The following FAM241A variants were observed in gnomAD, a reference collection of about 807,000 sequenced individuals.
FAM241A encodes uncharacterized protein FAM241A.
In FAM241A, 7 loss-of-function variants were observed where a neutral mutation model predicts 12.2. The ratio of observed to expected loss-of-function variants is 0.58; its 90% CI spans 0.33 to 1.08. The LOEUF is 1.08. Ranked by LOEUF, FAM241A falls within the 50% of genes least tolerant of loss-of-function variation. The probability of loss-of-function intolerance (pLI) is 0.04; values close to 1 mark genes in which losing one functional copy is unlikely to be tolerated. For missense variants in FAM241A, 161 were observed against 169.7 expected (o/e 0.95, Z 0.29); for synonymous variants, 74 against 68.2 (o/e 1.08, Z -0.42).
intron 1 of FAM241A, among the ~76,000 whole-genome samples, chr4:112,166,277 G>A (rs1346724238): frequency 6.6e-6 from 1 of 151,330 alleles, no homozygotes; most frequent in African/African-American, 2.4e-5. Flanking sequence ...AGTATGGTCT[G>A]TATCTCCTGG....
In FAM241A at chr4:112,182,607, C is replaced by A. The variant is rs536999423; in HGVS notation, c.154-4086C>A. ...CTTTACCTCAACTTATTTCAAGTAT[C>A]TCTTATTCCTACAGTGAAGTGCTGG... On this transcript the variant is annotated intron_variant, in intron 1 of 1. Transcript: ENST00000309733. 1.3e-3 allele frequency among the ~76,000 whole-genome samples: 196 copies of A among 152,258 alleles called. 1 individual carries two copies. The highest frequency in any genetic ancestry group is 4.5e-3 in the African/African-American group (185 of 41,562).
At chr4:112,152,988 TTTC>T (rs1393554406) in intron 1 of FAM241A, among the ~76,000 whole-genome samples, 1 of 152,202 alleles carries the variant, frequency 6.6e-6, no homozygotes, top group Non-Finnish European at 1.5e-5. Context: ...CTTTTCTATT[TTTC>T]TTCTTTTTCT....
At chr4:112,177,966 A>T (rs763816185) in intron 1 of FAM241A, among the ~76,000 whole-genome samples, 12 of 152,130 alleles carry the variant, frequency 7.9e-5, no homozygotes, top group Non-Finnish European at 1.8e-4. Flanking sequence ...ATAGTATGTT[A>T]TTGTAGAATA....
At chr4:112,180,780 G>A in intron 1 of FAM241A, among the ~76,000 whole-genome samples, 1 of 152,140 alleles carries the variant, frequency 6.6e-6, no homozygotes, top group East Asian at 1.9e-4. Context: ...CTAGCAACTG[G>A]AAAAGTACGG....
At position 112,193,866 on chromosome 4, in the gene FAM241A, T is replaced by G. The variant is rs1308870729; in HGVS notation, c.*6928T>G. On this transcript the variant is annotated 3_prime_UTR_variant, in exon 2 of 2. Coordinates refer to ENST00000309733, the MANE Select transcript of FAM241A (RefSeq NM_152400.3). ...GGTTCCATATGAACTTTAAAGTAGT[T>G]TTTTCCAATTCTGTGAAGAAAGTCA... 3 of 148,732 alleles carry G rather than the reference T, an allele frequency of 2.0e-5. No individual in the cohort carries two copies. Among genetic ancestry groups the G allele is most frequent in the Non-Finnish European group, 4.5e-5 (3 of 66,896 alleles). 9.2% of individuals were successfully genotyped at this position (148,732 alleles called of 1,614,324 possible).
Position 112,193,628 on chromosome 4 carries a change from T to C in FAM241A, c.*6690T>C, listed in dbSNP as rs1481855887. 1 of 152,262 alleles carries C rather than the reference T, an allele frequency of 6.6e-6. No homozygotes were observed. Among genetic ancestry groups the C allele is most frequent in the African/African-American group, 2.4e-5 (1 of 41,464 alleles). 9.4% of individuals were successfully genotyped at this position (152,262 alleles called of 1,614,324 possible). ...GAATCCTTTCCCCATTGCTTGTTTT[T>C]CTCAGGTTTGTCAAAGATCAGATAG... On this transcript the variant is annotated 3_prime_UTR_variant, in exon 2 of 2. Coordinates refer to ENST00000309733, the MANE Select transcript of FAM241A (RefSeq NM_152400.3).
In FAM241A at chr4:112,148,232, C is replaced by A. The variant is rs761924561; in HGVS notation, c.153+2499C>A. ...TACATCCCTTCCTTCACTGATTTTT[C>A]TTTCCACTTCTGTCTGAAAGGTTCA... On this transcript the variant is annotated intron_variant, in intron 1 of 1. Coordinates refer to ENST00000309733, the MANE Select transcript of FAM241A (RefSeq NM_152400.3). Among the ~76,000 whole-genome samples the A allele has an allele frequency of 2.7e-4, 41 of 152,202 alleles. 1 individual carries two copies. Among genetic ancestry groups the A allele is most frequent in the Middle Eastern group, 3.4e-3 (1 of 294 alleles).
At chr4:112,152,709 C>G (rs547664276) in intron 1 of FAM241A, among the ~76,000 whole-genome samples, 3 of 152,162 alleles carry the variant, frequency 2.0e-5, no homozygotes, top group Admixed American at 2.0e-4. Context: ...TCCCCTACCT[C>G]TTCCACTTCA....
rs1383059355 is a variant in FAM241A, at chr4:112,187,073, A to G, written c.*135A>G. The G allele has an allele frequency of 7.7e-6, 7 of 909,412 alleles. No individual in the cohort carries two copies. The East Asian group carries it at 1.5e-4, about 19-fold the overall frequency. 56.3% of individuals were successfully genotyped at this position (909,412 alleles called of 1,614,324 possible). Reference sequence around the variant, plus strand: ...TGCTGGCTGTTTTGTAAGTAAATTTATACATGGATGTCACTTAAAACTAAA... The same window carrying G: ...TGCTGGCTGTTTTGTAAGTAAATTTGTACATGGATGTCACTTAAAACTAAA... On this transcript the variant is annotated 3_prime_UTR_variant, in exon 2 of 2. Coordinates refer to ENST00000309733, the MANE Select transcript of FAM241A (RefSeq NM_152400.3).
Position 112,190,611 on chromosome 4 carries a change from G to A in FAM241A, c.*3673G>A, listed in dbSNP as rs4833398. ...CTACTCAGGAGGCTGAGGCAGGAGA[G>A]TCGCTTGAACCCGGAAGCCAAAGTT... is the stretch of plus-strand genomic sequence containing the variant. On this transcript the variant is annotated 3_prime_UTR_variant, in exon 2 of 2. Coordinates refer to ENST00000309733, the MANE Select transcript of FAM241A (RefSeq NM_152400.3). 84,739 of 149,816 alleles carry A rather than the reference G, an allele frequency of 0.57. 25,559 individuals are homozygous for A. The highest frequency in any genetic ancestry group is 0.82 in the East Asian group (4,179 of 5,094). The allele number at this position is 149,816 out of a possible 1,614,324, so 9.3% of individuals were successfully genotyped here. A position where few individuals can be genotyped will look rare whatever the true frequency, so the allele number is the denominator to read the frequency against.
At chr4:112,162,578 A>T (rs941336370) in intron 1 of FAM241A, among the ~76,000 whole-genome samples, 32 of 152,172 alleles carry the variant, frequency 2.1e-4, no homozygotes, top group African/African-American at 7.7e-4. Flanking sequence ...AAAGAGAATA[A>T]AATACCTAGG....
At chr4:112,159,827 A>G (rs1009431864) in intron 1 of FAM241A, among the ~76,000 whole-genome samples, 28 of 152,228 alleles carry the variant, frequency 1.8e-4, no homozygotes, top group Non-Finnish European at 4.4e-5. Flanking sequence ...ATCATACTAA[A>G]TGGAGAAAAA....
chr4:112,179,914 GATATATATATAT>G (rs34513702), intron 1 of FAM241A, among the ~76,000 whole-genome samples: 16 of 117,770 alleles, frequency 1.4e-4, no homozygotes, highest in Non-Finnish European at 1.7e-5. Flanking sequence ...AAGAAAATGT[GATATATATATAT>G]ATATATATAT....
At position 112,190,876 on chromosome 4, in the gene FAM241A, C is replaced by G. The variant is rs900968328; in HGVS notation, c.*3938C>G. The G allele has an allele frequency of 2.6e-5, 4 of 151,402 alleles. No individual in the cohort carries two copies. The highest frequency in any genetic ancestry group is 9.7e-5 in the African/African-American group (4 of 41,172). 9.4% of individuals were successfully genotyped at this position (151,402 alleles called of 1,614,324 possible). ...TTGGAGTTCAGTCCAACAGCCTGCT[C>G]TCACATCACTCCACACAGCAGCTCG... On this transcript the variant is annotated 3_prime_UTR_variant, in exon 2 of 2. Transcript: ENST00000309733.
rs1312831167 is a variant in FAM241A at position 112,189,008 on chromosome 4, ATTTTC to A, written c.*2075_*2079del. On this transcript the variant is annotated 3_prime_UTR_variant, in exon 2 of 2. Transcript: ENST00000309733. ...TTTGCCTATGTAATGGAAATAAAAT[ATTTTC>A]TTTTATGAAATATATTAGAATGCAG... The A allele has an allele frequency of 6.6e-6, 1 of 152,196 alleles. No individual in the cohort carries two copies. Among genetic ancestry groups the A allele is most frequent in the Non-Finnish European group, 1.5e-5 (1 of 68,028 alleles). The allele number at this position is 152,196 out of a possible 1,614,324, so 9.4% of individuals were successfully genotyped here.
At chr4:112,147,119 T>A (rs1723153060) in intron 1 of FAM241A, among the ~76,000 whole-genome samples, 1 of 152,268 alleles carries the variant, frequency 6.6e-6, no homozygotes, top group South Asian at 2.1e-4. Flanking sequence ...AGCTTCTGTG[T>A]ACTTCATTAG....
chr4:112,179,914 G>GAGATATATATATATATATAT lies in FAM241A; in HGVS notation c.154-6778_154-6777insGATATATATATATATATATA, dbSNP rs1479640205. 1.3e-4 allele frequency among the ~76,000 whole-genome samples: 15 copies of GAGATATATATATATATATAT among 117,766 alleles called. 1 individual carries two copies. Among genetic ancestry groups the GAGATATATATATATATATAT allele is most frequent in the African/African-American group, 5.2e-4 (15 of 28,852 alleles). 77.3% of individuals were successfully genotyped at this position (117,766 alleles called of 152,430 possible). A position where few individuals can be genotyped will look rare whatever the true frequency, so the allele number is the denominator to read the frequency against. On this transcript the variant is annotated intron_variant, in intron 1 of 1. Coordinates refer to ENST00000309733, the MANE Select transcript of FAM241A (RefSeq NM_152400.3). ...ATGGTGGATTGCATAAAGAAAATGT[G>GAGATATATATATATATATAT]ATATATATATATATATATATATATG...
chr4:112,165,247 G>A (rs906933050), intron 1 of FAM241A, among the ~76,000 whole-genome samples: 3 of 152,134 alleles, frequency 2.0e-5, no homozygotes, highest in African/African-American at 7.2e-5. Context: ...CAAAAGACAG[G>A]CAATGACAAA....
In FAM241A at chr4:112,193,904, T is replaced by C. The variant is rs1461109037; in HGVS notation, c.*6966T>C. 2 of 148,584 alleles carry C rather than the reference T, an allele frequency of 1.3e-5. No homozygotes were observed. Among genetic ancestry groups the C allele is most frequent in the Admixed American group, 6.7e-5 (1 of 14,874 alleles). 9.2% of individuals were successfully genotyped at this position (148,584 alleles called of 1,614,324 possible). On this transcript the variant is annotated 3_prime_UTR_variant, in exon 2 of 2. Transcript: ENST00000309733. The stretch of plus-strand genomic sequence containing the variant: ...GTGAAGAAAGTCATTGGTAGCTTGA[T>C]GGGGATGGCATTGAATCTATAAATT...
Sources: gnomAD v4.1 joint callset for allele counts (sites outside exome capture counted in the v4.1 genomes callset) on GRCh38, gnomAD v4.1.1 for gene constraint, MANE v1.5 for transcripts, NCBI Gene and HGNC (gene_info 2026-07-23, HGNC 2026-07-21) for gene names.